CNGB3: variants seen among roughly 807,000 people sequenced by gnomAD.
The protein encoded by CNGB3 is cyclic nucleotide gated channel subunit beta 3.
In CNGB3, 86 loss-of-function variants were observed where a neutral mutation model predicts 92.8. The observed-to-expected ratio is 0.93, with a 90% CI of 0.78 to 1.11. The LOEUF is 1.11. CNGB3 is among the 50% of genes least tolerant of loss of function. CNGB3 has a pLI of 0.00. For missense variants in CNGB3, 1,026 were observed against 956.8 expected (o/e 1.07, Z -0.95); for synonymous variants, 333 against 332.7 (o/e 1.00, Z -0.01).
intron 3 of CNGB3, among the ~76,000 whole-genome samples, chr8:86,711,839 A>C (rs62525697): frequency 0.038 from 4,393 of 117,050 alleles, 99 homozygotes; most frequent in African/African-American, 0.057. Context: ...CTCTCTCTAT[A>C]TATATATATA....
intron 6 of CNGB3, chr8:86,659,589 CAG>C (rs1823590834): frequency 1.8e-6 from 1 of 550,320 alleles, no homozygotes; most frequent in Non-Finnish European, 3.5e-6. Flanking sequence ...GTAGAGACAG[CAG>C]AGAGAGCCCA....
At chr8:86,591,261 T>A (rs532379360) in intron 15 of CNGB3, among the ~76,000 whole-genome samples, 11 of 146,706 alleles carry the variant, frequency 7.5e-5, no homozygotes, top group Non-Finnish European at 1.2e-4. Context: ...TTCAAAGTTT[T>A]CAACTTCTTT....
At chr8:86,683,054 G>T (rs1306558996) in intron 3 of CNGB3, among the ~76,000 whole-genome samples, 5 of 152,124 alleles carry the variant, frequency 3.3e-5, no homozygotes, top group Non-Finnish European at 7.4e-5. Flanking sequence ...GTAGTAAATG[G>T]TTATCAGGAT....
chr8:86,601,012 A>T (rs1157465836), intron 15 of CNGB3, among the ~76,000 whole-genome samples: 9 of 152,054 alleles, frequency 5.9e-5, no homozygotes, highest in Non-Finnish European at 1.0e-4. Flanking sequence ...TAATTACTGC[A>T]ATAAATGCAT....
intron 2 of CNGB3, among the ~76,000 whole-genome samples, chr8:86,731,321 A>G (rs990207981): frequency 6.6e-6 from 1 of 152,190 alleles, no homozygotes; most frequent in African/African-American, 2.4e-5. Flanking sequence ...GAGGGAGGAC[A>G]GGATCTTTGC....
At chr8:86,657,915 G>A (rs58372966) in intron 6 of CNGB3, 5,897 of 548,926 alleles carry the variant, frequency 0.011, 212 homozygotes, top group African/African-American at 0.084. Context: ...TCTGACCACC[G>A]TGCAGCTCCC....
intron 2 of CNGB3, among the ~76,000 whole-genome samples, chr8:86,728,935 T>C (rs1487058655): frequency 6.6e-6 from 1 of 152,112 alleles, no homozygotes; most frequent in African/African-American, 2.4e-5. Flanking sequence ...TTTTGAGACA[T>C]GGTCTCACTC....
intron 3 of CNGB3, among the ~76,000 whole-genome samples, chr8:86,671,838 G>A (rs546719249): frequency 6.6e-6 from 1 of 152,270 alleles, no homozygotes; most frequent in South Asian, 2.1e-4. Flanking sequence ...CAGCCTCCCA[G>A]TGAGAGCCTA....
At chr8:86,630,513 A>T (rs1822942169) in intron 11 of CNGB3, among the ~76,000 whole-genome samples, 1 of 152,148 alleles carries the variant, frequency 6.6e-6, no homozygotes, top group Non-Finnish European at 1.5e-5. Context: ...TGAGAGTATG[A>T]GAGGAAGAAA....
intron 14 of CNGB3, among the ~76,000 whole-genome samples, chr8:86,609,717 T>C (rs772144058): frequency 3.9e-5 from 6 of 152,322 alleles, no homozygotes; most frequent in Non-Finnish European, 8.8e-5. Flanking sequence ...TCATACTCCA[T>C]TTGACTTTGT....
rs1397945762 is a variant in CNGB3 at position 86,695,097 on chromosome 8, C to G, written c.339-23999G>C. Among the ~76,000 whole-genome samples, 7 of 152,340 alleles carry G rather than the reference C, an allele frequency of 4.6e-5. No homozygotes were observed. The Middle Eastern group carries it at 0.01, about 222-fold the overall frequency. On this transcript the variant is annotated intron_variant, in intron 3 of 17. Transcript: ENST00000320005. Reference sequence around the variant, plus strand: ...ATCACTCGCGGTAAGGAGCTGGAGACCAGCCTGGCCAACACAGCGAAACCC... The same window carrying G: ...ATCACTCGCGGTAAGGAGCTGGAGAGCAGCCTGGCCAACACAGCGAAACCC...
At chr8:86,693,416 T>TTTTTA (rs1554615906) in intron 3 of CNGB3, among the ~76,000 whole-genome samples, 16 of 133,804 alleles carry the variant, frequency 1.2e-4, no homozygotes, top group African/African-American at 1.9e-4. Context: ...TTTGTTCATT[T>TTTTTA]TTTTTTATTA....
intron 14 of CNGB3, among the ~76,000 whole-genome samples, chr8:86,609,491 C>T (rs1474558204): frequency 6.6e-6 from 1 of 152,186 alleles, no homozygotes; most frequent in Non-Finnish European, 1.5e-5. Flanking sequence ...AAAGCTCATT[C>T]TCAGTTGCTC....
At chr8:86,627,093 G>A (rs918416100) in intron 12 of CNGB3, among the ~76,000 whole-genome samples, 53 of 39,748 alleles carry the variant, frequency 1.3e-3, no homozygotes, top group Non-Finnish European at 2.1e-3. Context: ...AAGAGTTTCT[G>A]AGAGTTGATT....
intron 15 of CNGB3, among the ~76,000 whole-genome samples, chr8:86,590,500 G>A (rs1822004347): frequency 6.6e-6 from 1 of 152,036 alleles, no homozygotes; most frequent in African/African-American, 2.4e-5. Context: ...TCCATGTTTA[G>A]CGCTTCCTTC....
At chr8:86,583,432 T>C (rs1821830862) in intron 15 of CNGB3, among the ~76,000 whole-genome samples, 1 of 151,900 alleles carries the variant, frequency 6.6e-6, no homozygotes, top group Non-Finnish European at 1.5e-5. Flanking sequence ...AGAGTAACCA[T>C]TAAACTTTAA....
chr8:86,588,438 C>G (rs1821942394), intron 15 of CNGB3, among the ~76,000 whole-genome samples: 3 of 133,864 alleles, frequency 2.2e-5, no homozygotes, highest in Admixed American at 7.6e-5. Context: ...GGAATGCTTC[C>G]AGTTTTTGCC....
intron 6 of CNGB3, chr8:86,658,761 A>G (rs149397497): frequency 9.8e-6 from 5 of 511,036 alleles, no homozygotes; most frequent in African/African-American, 1.9e-5. Context: ...GTTCAGCTTC[A>G]TGAAGCCAGT....
chr8:86,625,723 T>C (rs1007157715), intron 13 of CNGB3, among the ~76,000 whole-genome samples: 4 of 149,014 alleles, frequency 2.7e-5, no homozygotes, highest in Non-Finnish European at 5.9e-5. Flanking sequence ...ATTTAAATTA[T>C]ATTTAAATTA....
Sources: gnomAD v4.1 joint callset for allele counts (sites outside exome capture counted in the v4.1 genomes callset) on GRCh38, gnomAD v4.1.1 for gene constraint, MANE v1.5 for transcripts, NCBI Gene and HGNC (gene_info 2026-07-23, HGNC 2026-07-21) for gene names.